Variants in FCHSD2 observed in about 807,000 individuals in gnomAD.
FCHSD2 encodes the protein FCH and double SH3 domains 2, also known as F-BAR and double SH3 domains protein 2.
In FCHSD2, 38 loss-of-function variants were observed where a neutral mutation model predicts 108.1. The observed-to-expected ratio is 0.35, with a 90% CI of 0.27 to 0.46. FCHSD2 has a LOEUF of 0.46. FCHSD2 is among the 20% of genes least tolerant of loss of function. The pLI is 1.00. For missense variants in FCHSD2, 751 were observed against 897.8 expected, an observed-to-expected ratio of 0.84 and a Z score of 2.09; for synonymous variants, 279 against 314.7, an observed-to-expected ratio of 0.89 and a Z score of 1.20.
intron 9 of FCHSD2, among the ~76,000 whole-genome samples, chr11:72,914,963 ATTTTT>A (rs144998272): frequency 0.025 from 2,991 of 120,466 alleles, 51 homozygotes; most frequent in Non-Finnish European, 0.034. Flanking sequence ...CAGAATGGGA[ATTTTT>A]TTTTTTTTTT....
In FCHSD2 at chr11:72,856,833, C is replaced by T. The variant is rs59574482; in HGVS notation, c.1309-6944G>A. 5.2e-3 allele frequency among the ~76,000 whole-genome samples: 799 copies of T among 152,240 alleles called. 7 individuals are homozygous for T. The highest frequency in any genetic ancestry group is 0.018 in the African/African-American group (738 of 41,552). On this transcript the variant is annotated intron_variant, in intron 13 of 19. Transcript: ENST00000409418. ...AGGGCATTGTGCCACATAAAAGAAT[C>T]ATGCTAGAAATTGCCATAAAATTAA...
chr11:72,997,617 G>A (rs1857544233), intron 5 of FCHSD2, among the ~76,000 whole-genome samples: 1 of 152,332 alleles, frequency 6.6e-6, no homozygotes, highest in Admixed American at 6.5e-5. Context: ...ATGGAGAACT[G>A]TACCAGAAAT....
At chr11:73,095,266 T>C (rs1281484533) in intron 2 of FCHSD2, among the ~76,000 whole-genome samples, 1 of 152,180 alleles carries the variant, frequency 6.6e-6, no homozygotes, top group Non-Finnish European at 1.5e-5. Context: ...TAAGTACATA[T>C]TTATAAAGGA....
chr11:73,110,556 T>C (rs1273448621), intron 2 of FCHSD2, among the ~76,000 whole-genome samples: 9 of 152,144 alleles, frequency 5.9e-5, no homozygotes, highest in Admixed American at 5.9e-4. Flanking sequence ...ATCTTTGATT[T>C]TGAGTCTTTT....
At chr11:73,024,026 T>G (rs1031495430) in intron 3 of FCHSD2, among the ~76,000 whole-genome samples, 2 of 152,108 alleles carry the variant, frequency 1.3e-5, no homozygotes, top group African/African-American at 4.8e-5. Context: ...GGGAAGAATT[T>G]TAAGGGTGGT....
intron 11 of FCHSD2, among the ~76,000 whole-genome samples, chr11:72,889,325 T>TC (rs1446295789): frequency 6.6e-6 from 1 of 152,194 alleles, no homozygotes; most frequent in Non-Finnish European, 1.5e-5. Flanking sequence ...AACATATGTC[T>TC]CTTCCCCTGC....
intron 13 of FCHSD2, among the ~76,000 whole-genome samples, chr11:72,865,301 A>C (rs1854696681): frequency 6.6e-6 from 1 of 152,226 alleles, no homozygotes; most frequent in Non-Finnish European, 1.5e-5. Flanking sequence ...ACTTAAAAGC[A>C]GATTAAATAA....
Position 72,840,909 on chromosome 11 carries a change from T to TA in FCHSD2, c.2106dup (p.Thr703TyrfsTer3). On this transcript the variant is annotated frameshift_variant, in exon 19 of 20. Coordinates refer to ENST00000409418, the MANE Select transcript of FCHSD2 (RefSeq NM_014824.3). LOFTEE classifies it high-confidence loss of function. Reference sequence around the variant, plus strand: ...AGTTTGCCATATGAGGTCTCAGGAGTATGCCTTGATGCCTGTGAGAATCCT... The same window carrying TA: ...AGTTTGCCATATGAGGTCTCAGGAGTAATGCCTTGATGCCTGTGAGAATCCT... The TA allele has an allele frequency of 6.2e-7, 1 of 1,613,272 alleles. No individual in the cohort carries two copies. Among genetic ancestry groups the TA allele is most frequent in the Non-Finnish European group, 8.5e-7 (1 of 1,179,302 alleles).
At chr11:72,870,153 A>C (rs939151274) in intron 12 of FCHSD2, among the ~76,000 whole-genome samples, 1 of 152,148 alleles carries the variant, frequency 6.6e-6, no homozygotes, top group African/African-American at 2.4e-5. Context: ...CGGTCCGTTC[A>C]AATATTACCC....
At chr11:73,037,311 C>T (rs1172080066) in intron 3 of FCHSD2, among the ~76,000 whole-genome samples, 2 of 152,154 alleles carry the variant, frequency 1.3e-5, no homozygotes, top group Non-Finnish European at 2.9e-5. Flanking sequence ...CCATGGTTTA[C>T]ACTAGGATTC....
At chr11:72,989,915 A>G (rs185816183) in intron 5 of FCHSD2, among the ~76,000 whole-genome samples, 5 of 152,316 alleles carry the variant, frequency 3.3e-5, no homozygotes, top group African/African-American at 1.2e-4. Flanking sequence ...AAGCAGGAGG[A>G]GACACTGGTG....
At chr11:73,028,225 G>A (rs1858274604) in intron 3 of FCHSD2, among the ~76,000 whole-genome samples, 1 of 152,188 alleles carries the variant, frequency 6.6e-6, no homozygotes, top group Admixed American at 6.5e-5. Flanking sequence ...GTAGCTGCAG[G>A]TGCTGTACCC....
At chr11:73,140,181 A>T (rs1244971603) in intron 1 of FCHSD2, 53 bp from the exon 2 acceptor site, 1 of 1,085,420 alleles carries the variant, frequency 9.2e-7, no homozygotes, top group African/African-American at 1.6e-5. Context: ...AACCCAAAAA[A>T]ATTGCTTCAG....
rs576696627 is a variant in FCHSD2 at position 72,962,507 on chromosome 11, C to A, written c.705+21581G>T. ...CGATTGATATTCACTGTAAAAAGAA[C>A]AGGAGTTTACAAAATATACTTTATA... is the stretch of plus-strand genomic sequence containing the variant. On this transcript the variant is annotated intron_variant, in intron 8 of 19. Transcript: ENST00000409418. 3.3e-5 allele frequency among the ~76,000 whole-genome samples: 5 copies of A among 152,124 alleles called. 1 individual carries two copies. The highest frequency in any genetic ancestry group is 1.2e-4 in the African/African-American group (5 of 41,508).
chr11:73,035,953 T>C (rs1295013953), intron 3 of FCHSD2, among the ~76,000 whole-genome samples: 1 of 151,792 alleles, frequency 6.6e-6, no homozygotes, highest in Non-Finnish European at 1.5e-5. Flanking sequence ...TCTCTTGACC[T>C]TGTGATCCGC....
At chr11:72,852,772 A>C (rs191446100) in intron 13 of FCHSD2, among the ~76,000 whole-genome samples, 1 of 152,374 alleles carries the variant, frequency 6.6e-6, no homozygotes, top group Admixed American at 6.5e-5. Flanking sequence ...AAGTTGAATA[A>C]AGAAAATGTG....
chr11:72,913,829 A>AC (rs1855814868), intron 9 of FCHSD2, among the ~76,000 whole-genome samples: 1 of 150,134 alleles, frequency 6.7e-6, no homozygotes, highest in African/African-American at 2.5e-5. Flanking sequence ...AAACCCAAAA[A>AC]AAAAACAAAA....
intron 3 of FCHSD2, among the ~76,000 whole-genome samples, chr11:73,036,236 T>G (rs1193892168): frequency 6.6e-6 from 1 of 151,142 alleles, no homozygotes; most frequent in African/African-American, 2.4e-5. Flanking sequence ...AATATACAAT[T>G]AGAAACATTA....
At chr11:72,897,518 T>C (rs915906919) in intron 10 of FCHSD2, among the ~76,000 whole-genome samples, 1 of 152,222 alleles carries the variant, frequency 6.6e-6, no homozygotes, top group Non-Finnish European at 1.5e-5. Flanking sequence ...TCATTTTATA[T>C]AGGGGACTTG....
Sources: allele counts gnomAD v4.1 joint callset (sites outside exome capture counted in the v4.1 genomes callset), GRCh38; gene constraint gnomAD v4.1.1; transcripts MANE v1.5; gene names NCBI Gene and HGNC (gene_info 2026-07-23, HGNC 2026-07-21).